The following PRKDC variants were observed in gnomAD, a reference collection of about 807,000 sequenced individuals.
PRKDC encodes DNA-dependent protein kinase catalytic subunit.
PRKDC carries 82 observed loss-of-function variants against 486.9 expected under a neutral mutation model. That is an observed-to-expected ratio of 0.17 (90% CI 0.14 to 0.20). The LOEUF is 0.20. Ranked by LOEUF, PRKDC falls within the 10% of genes least tolerant of loss-of-function variation. The probability of loss-of-function intolerance (pLI) is 1.00; values close to 1 mark genes in which losing one functional copy is unlikely to be tolerated. For synonymous variants in PRKDC, 1,895 were observed against 1,837.0 expected, an observed-to-expected ratio of 1.03 and a Z score of -0.81; for missense variants, 4,504 against 5,038.2, an observed-to-expected ratio of 0.89 and a Z score of 3.21.
chr8:47,810,463 G>A (rs2087303693), intron 68 of PRKDC, among the ~76,000 whole-genome samples: 1 of 152,164 alleles, frequency 6.6e-6, no homozygotes, highest in African/African-American at 2.4e-5. Flanking sequence ...ATTATCCATG[G>A]TTTCAGGATT....
intron 22 of PRKDC, among the ~76,000 whole-genome samples, chr8:47,917,049 A>G (rs1312633077): frequency 1.3e-5 from 2 of 152,064 alleles, no homozygotes; most frequent in East Asian, 1.9e-4. Context: ...TAACCCCAGG[A>G]GTTCAAGACC....
chr8:47,903,501 C>G (rs570361411), intron 26 of PRKDC, among the ~76,000 whole-genome samples: 8 of 152,302 alleles, frequency 5.3e-5, no homozygotes, highest in African/African-American at 1.9e-4. Flanking sequence ...TAATTAGAAT[C>G]CAAAAAGGTA....
At chr8:47,880,110 A>G (rs2154501439) in intron 38 of PRKDC, among the ~76,000 whole-genome samples, 1 of 152,220 alleles carries the variant, frequency 6.6e-6, no homozygotes, top group Admixed American at 6.5e-5. Flanking sequence ...TGGCCTCCCA[A>G]AATGTTGCGA....
Position 47,892,291 on chromosome 8 carries a change from A to C in PRKDC, c.3847+848T>G, listed in dbSNP as rs143901609. Among the ~76,000 whole-genome samples the C allele has an allele frequency of 5.8e-3, 888 of 152,264 alleles. 29 individuals are homozygous for C. Among genetic ancestry groups the C allele is most frequent in the East Asian group, 0.012 (61 of 5,188 alleles). On this transcript the variant is annotated intron_variant, in intron 31 of 85. Coordinates refer to ENST00000314191, the MANE Select transcript of PRKDC (RefSeq NM_006904.7). The stretch of plus-strand genomic sequence containing the variant: ...TATTATATTTGTTGTTGTGGCAGTA[A>C]AAAATGTAATGTGCACTAATAACAA...
chr8:47,776,695 TCTCTAAGCC>T (rs1332762314), intron 85 of PRKDC, 140 bp downstream of exon 85: 5 of 1,106,226 alleles, frequency 4.5e-6, no homozygotes, highest in Non-Finnish European at 6.4e-6. Flanking sequence ...GAAGTCAGCC[TCTCTAAGCC>T]CTGCTTTCCT....
Position 47,823,851 on chromosome 8 carries a change from A to C in PRKDC, c.8922+7T>G. 6.2e-7 allele frequency: 1 copy of C among 1,612,982 alleles called. No individual in the cohort carries two copies. The highest frequency in any genetic ancestry group is 8.5e-7 in the Non-Finnish European group (1 of 1,179,426). On this transcript the variant is annotated splice_region_variant and intron_variant, in intron 64 of 85. Coordinates refer to ENST00000314191, the MANE Select transcript of PRKDC (RefSeq NM_006904.7). Reference sequence around the variant, plus strand: ...AAATGTCATATTTTGCCAGAGATCAATTTTACCTCATCATACTGCTTAGCA... The same window carrying C: ...AAATGTCATATTTTGCCAGAGATCACTTTTACCTCATCATACTGCTTAGCA...
At chr8:47,776,599 G>A (rs533596187) in intron 85 of PRKDC, among the ~76,000 whole-genome samples, 79 of 152,146 alleles carry the variant, frequency 5.2e-4, no homozygotes, top group Non-Finnish European at 7.8e-4. Flanking sequence ...TCCAATTGGC[G>A]CCACTGTTCC....
At chr8:47,817,216 C>G (rs1009774913) in intron 68 of PRKDC, among the ~76,000 whole-genome samples, 14 of 152,178 alleles carry the variant, frequency 9.2e-5, no homozygotes, top group African/African-American at 3.4e-4. Context: ...GGTGCAGGTT[C>G]AGGATCAGCC....
chr8:47,862,772 C>T (rs538543492), intron 42 of PRKDC, among the ~76,000 whole-genome samples: 22 of 152,194 alleles, frequency 1.4e-4, no homozygotes, highest in Non-Finnish European at 1.9e-4. Flanking sequence ...GACGCAACGG[C>T]ATCAAGTGCA....
chr8:47,853,481 G>A (rs1019546005), intron 51 of PRKDC, among the ~76,000 whole-genome samples: 1 of 152,122 alleles, frequency 6.6e-6, no homozygotes. Flanking sequence ...CAACCCTCAG[G>A]AGCAGGACAA....
At chr8:47,927,529 C>T (rs1362613617) in intron 20 of PRKDC, among the ~76,000 whole-genome samples, 176 bp from the exon 21 acceptor site, 2 of 152,206 alleles carry the variant, frequency 1.3e-5, no homozygotes, top group Admixed American at 6.5e-5. Context: ...GTCTCTGTGG[C>T]TGTGGTATAC....
At chr8:47,904,293 C>T (rs1401591334) in intron 26 of PRKDC, among the ~76,000 whole-genome samples, 8 of 152,304 alleles carry the variant, frequency 5.3e-5, no homozygotes, top group Admixed American at 2.6e-4. Context: ...CTCACTCTGT[C>T]GCCCAGACTG....
intron 1 of PRKDC, among the ~76,000 whole-genome samples, chr8:47,959,699 C>T (rs950617330): frequency 6.6e-6 from 1 of 151,888 alleles, no homozygotes; most frequent in Admixed American, 6.6e-5. Context: ...AAAATTATTT[C>T]TCTTGCCCTG....
chr8:47,879,081 A>C (rs1252018679), intron 39 of PRKDC, among the ~76,000 whole-genome samples: 2 of 152,146 alleles, frequency 1.3e-5, no homozygotes, highest in Non-Finnish European at 2.9e-5. Context: ...GTAATATTCT[A>C]TTTCTTAGCT....
intron 38 of PRKDC, among the ~76,000 whole-genome samples, chr8:47,879,895 C>A (rs2089174869): frequency 7.4e-6 from 1 of 135,720 alleles, no homozygotes; most frequent in Non-Finnish European, 1.5e-5. Flanking sequence ...GGCTGGAGAG[C>A]AGTGGCATGA....
chr8:47,844,538 G>C (rs780249404), intron 54 of PRKDC, among the ~76,000 whole-genome samples: 12 of 151,892 alleles, frequency 7.9e-5, no homozygotes, highest in Non-Finnish European at 1.3e-4. Context: ...TGAACAATCG[G>C]ACCCAATACA....
intron 46 of PRKDC, 109 bp from the exon 47 acceptor site, chr8:47,859,095 G>C: frequency 8.6e-7 from 1 of 1,161,464 alleles, no homozygotes. Context: ...CAAACACTTA[G>C]GTAATAATGA....
intron 14 of PRKDC, 127 bp downstream of exon 14, chr8:47,934,882 G>C: frequency 3.2e-6 from 2 of 634,886 alleles, no homozygotes; most frequent in Non-Finnish European, 5.5e-6. Context: ...TTTTCAAAAT[G>C]TAAGGCATTG....
intron 68 of PRKDC, among the ~76,000 whole-genome samples, chr8:47,815,538 C>A (rs961522914): frequency 6.6e-6 from 1 of 152,066 alleles, no homozygotes; most frequent in Non-Finnish European, 1.5e-5. Flanking sequence ...AGCCTGTTGG[C>A]CAAATCTGAG....
Sources: allele counts gnomAD v4.1 joint callset (sites outside exome capture counted in the v4.1 genomes callset), GRCh38; gene constraint gnomAD v4.1.1; transcripts MANE v1.5; gene names NCBI Gene and HGNC (gene_info 2026-07-23, HGNC 2026-07-21).